The following GRM7 variants were observed in gnomAD, a reference collection of about 807,000 sequenced individuals.
GRM7 encodes the protein glutamate metabotropic receptor 7.
GRM7 carries 35 observed loss-of-function variants against 84.5 expected under a neutral mutation model. The ratio of observed to expected loss-of-function variants is 0.41; its 90% CI spans 0.32 to 0.55. GRM7 has a LOEUF of 0.55. Ranked by LOEUF, GRM7 falls within the 20% of genes least tolerant of loss-of-function variation. The probability of loss-of-function intolerance (pLI) is 0.19; values close to 1 mark genes in which losing one functional copy is unlikely to be tolerated. For synonymous variants in GRM7, 487 were observed against 455.1 expected, an observed-to-expected ratio of 1.07 and a Z score of -0.89; for missense variants, 1,003 against 1,194.6, an observed-to-expected ratio of 0.84 and a Z score of 2.36.
chr3:7,737,689 A>G (rs1702550516), intron 9 of GRM7, among the ~76,000 whole-genome samples: 1 of 152,186 alleles, frequency 6.6e-6, no homozygotes, highest in South Asian at 2.1e-4. Context: ...CAATGTTCCT[A>G]GCAATTCTGC....
intron 7 of GRM7, among the ~76,000 whole-genome samples, chr3:7,571,192 A>G (rs1356276136): frequency 1.3e-5 from 2 of 152,182 alleles, no homozygotes; most frequent in Non-Finnish European, 2.9e-5. Flanking sequence ...CCATTGTCTC[A>G]GGGACTAACA....
intron 7 of GRM7, among the ~76,000 whole-genome samples, chr3:7,510,625 T>A (rs1304654367): frequency 6.6e-6 from 1 of 152,062 alleles, no homozygotes; most frequent in African/African-American, 2.4e-5. Context: ...AAGAAGTTAT[T>A]GGAAGGAGAT....
At chr3:6,990,197 T>G (rs1694582476) in intron 1 of GRM7, among the ~76,000 whole-genome samples, 1 of 152,208 alleles carries the variant, frequency 6.6e-6, no homozygotes. Context: ...ATTCCAAATA[T>G]GATAGCTATT....
At chr3:7,513,334 A>G (rs1313653275) in intron 7 of GRM7, among the ~76,000 whole-genome samples, 1 of 152,196 alleles carries the variant, frequency 6.6e-6, no homozygotes, top group Non-Finnish European at 1.5e-5. Context: ...CTCATTATTT[A>G]GAAACTTAGA....
intron 7 of GRM7, among the ~76,000 whole-genome samples, chr3:7,572,823 A>AATATATAT (rs1158871205): frequency 1.8e-3 from 22 of 12,434 alleles, no homozygotes; most frequent in East Asian, 5.7e-3. Flanking sequence ...CTCTATCTCA[A>AATATATAT]ATATATATAT....
At chr3:7,417,761 A>G (rs568246025) in intron 5 of GRM7, among the ~76,000 whole-genome samples, 19 of 152,280 alleles carry the variant, frequency 1.2e-4, no homozygotes, top group South Asian at 8.3e-4. Context: ...CACAAATTAA[A>G]ATGTAGGCCA....
chr3:7,314,645 G>T (rs1276671800), intron 4 of GRM7, among the ~76,000 whole-genome samples: 1 of 152,028 alleles, frequency 6.6e-6, no homozygotes, highest in Non-Finnish European at 1.5e-5. Context: ...TTTTATTTTG[G>T]TCATGTCTTT....
At chr3:7,164,188 A>T (rs1694725187) in intron 2 of GRM7, among the ~76,000 whole-genome samples, 1 of 152,068 alleles carries the variant, frequency 6.6e-6, no homozygotes, top group Admixed American at 6.6e-5. Flanking sequence ...GTGAAACCCC[A>T]TCCCTACTAA....
At chr3:7,141,650 A>T (rs894574086) in intron 1 of GRM7, among the ~76,000 whole-genome samples, 4 of 152,026 alleles carry the variant, frequency 2.6e-5, no homozygotes, top group Non-Finnish European at 4.4e-5. Context: ...AGCTATGAAG[A>T]GGGAGTATGC....
At chr3:7,666,685 C>G (rs1031818804) in intron 8 of GRM7, among the ~76,000 whole-genome samples, 20 of 152,106 alleles carry the variant, frequency 1.3e-4, no homozygotes, top group African/African-American at 4.6e-4. Flanking sequence ...ATATCTGAGA[C>G]AGGTGAGGGC....
In GRM7 at chr3:6,987,236, C is replaced by G. The variant is rs1006013896; in HGVS notation, c.519+125329C>G. 2.6e-5 allele frequency among the ~76,000 whole-genome samples: 4 copies of G among 152,124 alleles called. No homozygotes were observed. In the South Asian group the frequency reaches 6.2e-4, roughly 24 times the overall value. On this transcript the variant is annotated intron_variant, in intron 1 of 9. Coordinates refer to ENST00000357716, the MANE Select transcript of GRM7 (RefSeq NM_000844.4). Reference sequence around the variant, plus strand: ...ACAGGCATGCACTGCTTGGCATGTACTGCTATCTTGGCAGAGACAATGAAG... The same window carrying G: ...ACAGGCATGCACTGCTTGGCATGTAGTGCTATCTTGGCAGAGACAATGAAG...
chr3:7,408,132 A>G (rs903463774), intron 4 of GRM7, among the ~76,000 whole-genome samples: 1 of 152,192 alleles, frequency 6.6e-6, no homozygotes, highest in African/African-American at 2.4e-5. Flanking sequence ...ATTGAACCCT[A>G]CAATTCTAGT....
At chr3:7,604,223 A>G (rs2125073276) in intron 8 of GRM7, among the ~76,000 whole-genome samples, 1 of 152,246 alleles carries the variant, frequency 6.6e-6, no homozygotes, top group Non-Finnish European at 1.5e-5. Flanking sequence ...GACCAAAAAT[A>G]ATCTCAAAAA....
chr3:6,921,229 A>C (rs1195549378), intron 1 of GRM7, among the ~76,000 whole-genome samples: 2 of 152,318 alleles, frequency 1.3e-5, no homozygotes, highest in East Asian at 1.9e-4. Flanking sequence ...CAATGTGAAA[A>C]GTTTGCAGGC....
intron 1 of GRM7, among the ~76,000 whole-genome samples, chr3:6,943,988 A>G (rs1697975503): frequency 6.6e-6 from 1 of 152,084 alleles, no homozygotes; most frequent in Admixed American, 6.6e-5. Context: ...TATTTCTAGC[A>G]TATAGAAATA....
chr3:7,125,353 G>GAGTCTCAA (rs578071944), intron 1 of GRM7, among the ~76,000 whole-genome samples: 8 of 152,282 alleles, frequency 5.3e-5, no homozygotes, highest in Admixed American at 5.2e-4. Context: ...ATAGCAAGAA[G>GAGTCTCAA]AGTCTCAAAA....
At chr3:7,357,210 C>CA in intron 4 of GRM7, among the ~76,000 whole-genome samples, 1 of 151,900 alleles carries the variant, frequency 6.6e-6, no homozygotes, top group East Asian at 1.9e-4. Context: ...AACTCCAAGA[C>CA]AAATCCAATT....
At chr3:7,737,842 AATT>A (rs1702554923) in intron 9 of GRM7, among the ~76,000 whole-genome samples, 1 of 148,232 alleles carries the variant, frequency 6.7e-6, no homozygotes, top group Non-Finnish European at 1.5e-5. Context: ...TTATTCTCCC[AATT>A]TTTTTTTTTT....
intron 8 of GRM7, among the ~76,000 whole-genome samples, chr3:7,661,090 G>A (rs966357044): frequency 8.5e-5 from 13 of 152,238 alleles, no homozygotes; most frequent in Admixed American, 1.3e-4. Context: ...CAATTTATAC[G>A]TGAACAGATT....
Sources: gnomAD v4.1 joint callset for allele counts (sites outside exome capture counted in the v4.1 genomes callset) on GRCh38, gnomAD v4.1.1 for gene constraint, MANE v1.5 for transcripts, NCBI Gene and HGNC (gene_info 2026-07-23, HGNC 2026-07-21) for gene names.